Variants in MAGI1 observed in about 807,000 individuals in gnomAD.
MAGI1 encodes the protein membrane associated guanylate kinase, WW and PDZ domain containing 1, also known as membrane-associated guanylate kinase, WW and PDZ domain-containing protein 1.
A neutral mutation model predicts 139.9 loss-of-function variants in MAGI1; 58 were observed. That is an observed-to-expected ratio of 0.41 (90% CI 0.34 to 0.52). MAGI1 has a LOEUF of 0.52. Ranked by LOEUF, MAGI1 falls within the 20% of genes least tolerant of loss-of-function variation. MAGI1 has a pLI of 0.12. For synonymous variants in MAGI1, 812 were observed against 737.9 expected (o/e 1.10, Z -1.63); for missense variants, 1,874 against 1,901.6 (o/e 0.99, Z 0.27).
intron 1 of MAGI1, among the ~76,000 whole-genome samples, chr3:65,710,388 C>A (rs1381864681): frequency 7.1e-6 from 1 of 141,832 alleles, no homozygotes. Context: ...TCAAGCAATT[C>A]TCCTGCCTCA....
chr3:65,587,235 T>C (rs2081727319), intron 2 of MAGI1, among the ~76,000 whole-genome samples: 1 of 152,196 alleles, frequency 6.6e-6, no homozygotes, highest in South Asian at 2.1e-4. Flanking sequence ...ACACCTAACC[T>C]ACTGAACATC....
intron 5 of MAGI1, among the ~76,000 whole-genome samples, chr3:65,463,591 TGTGTGTGTG>T: frequency 6.6e-6 from 1 of 151,420 alleles, no homozygotes; most frequent in Non-Finnish European, 1.5e-5. Flanking sequence ...TGTGTGTGTG[TGTGTGTGTG>T]TGTCTGCCAG....
At chr3:65,577,210 G>A (rs1431249773) in intron 2 of MAGI1, among the ~76,000 whole-genome samples, 2 of 151,930 alleles carry the variant, frequency 1.3e-5, no homozygotes, top group Non-Finnish European at 2.9e-5. Flanking sequence ...TGAAACAAAT[G>A]AATCATAATC....
intron 3 of MAGI1, among the ~76,000 whole-genome samples, chr3:65,486,011 T>G (rs1266260210): frequency 6.6e-6 from 1 of 152,088 alleles, no homozygotes; most frequent in Non-Finnish European, 1.5e-5. Context: ...TACGACAGAG[T>G]TTGCCAACAG....
At chr3:65,950,093 A>AAAAAAAAAAAC (rs2063751644) in intron 1 of MAGI1, among the ~76,000 whole-genome samples, 1 of 14,992 alleles carries the variant, frequency 6.7e-5, no homozygotes, top group Non-Finnish European at 1.5e-4. Context: ...AAAAAAACAA[A>AAAAAAAAAAAC]CAAAAAAAAA....
At chr3:65,809,985 CT>C (rs2041119061) in intron 1 of MAGI1, among the ~76,000 whole-genome samples, 1 of 151,994 alleles carries the variant, frequency 6.6e-6, no homozygotes, top group African/African-American at 2.4e-5. Flanking sequence ...CTCTCTCTCT[CT>C]CTCTCCCTCT....
intron 12 of MAGI1, among the ~76,000 whole-genome samples, chr3:65,419,231 C>CACACACACACACACACACACACACAT (rs145284205): frequency 8.0e-5 from 12 of 150,778 alleles, no homozygotes; most frequent in East Asian, 5.9e-4. Flanking sequence ...TACACACACA[C>CACACACACACACACACACACACACAT]ACACACACAC....
At chr3:65,797,618 A>G (rs2040232402) in intron 1 of MAGI1, among the ~76,000 whole-genome samples, 1 of 152,072 alleles carries the variant, frequency 6.6e-6, no homozygotes, top group Non-Finnish European at 1.5e-5. Flanking sequence ...TGGGAGACTG[A>G]GGTCAGGTGA....
chr3:65,787,823 G>C (rs1435308048), intron 1 of MAGI1, among the ~76,000 whole-genome samples: 1 of 152,108 alleles, frequency 6.6e-6, no homozygotes, highest in East Asian at 1.9e-4. Flanking sequence ...ATATTTCTCA[G>C]AAAATAATAG....
At chr3:65,430,562 G>C in intron 11 of MAGI1, 137 bp downstream of exon 11, 3 of 832,564 alleles carry the variant, frequency 3.6e-6, no homozygotes, top group Non-Finnish European at 5.5e-6. Flanking sequence ...TCATTCTCAA[G>C]GTGTTTAAAG....
At chr3:65,556,001 C>T (rs140981375) in intron 2 of MAGI1, among the ~76,000 whole-genome samples, 73 of 152,218 alleles carry the variant, frequency 4.8e-4, no homozygotes, top group Admixed American at 1.0e-3. Context: ...TTTTATGACA[C>T]GTTATGCTTG....
intron 1 of MAGI1, among the ~76,000 whole-genome samples, chr3:66,015,652 G>A (rs931531124): frequency 6.6e-6 from 1 of 152,132 alleles, no homozygotes; most frequent in South Asian, 2.1e-4. Flanking sequence ...ATAACAATTA[G>A]ATGATATTTT....
chr3:65,732,929 G>C (rs2034330679), intron 1 of MAGI1, among the ~76,000 whole-genome samples: 1 of 152,170 alleles, frequency 6.6e-6, no homozygotes, highest in South Asian at 2.1e-4. Context: ...GGAATGATGA[G>C]GACTGTGGCA....
rs558342167 is a variant in MAGI1, at chr3:65,486,907, T to C, written c.550+6605A>G. Among the ~76,000 whole-genome samples the C allele has an allele frequency of 7.9e-5, 12 of 152,318 alleles. No individual in the cohort carries two copies. In the East Asian group the frequency reaches 1.2e-3, roughly 15 times the overall value. ...AATGGTACCACTATCTATCCAGTAA[T>C]AGAAGACAGAAACTAGGAGTTATCT... is the stretch of plus-strand genomic sequence containing the variant. On this transcript the variant is annotated intron_variant, in intron 3 of 22. Coordinates refer to ENST00000402939, the MANE Select transcript of MAGI1 (RefSeq NM_001033057.2).
chr3:65,411,721 C>T (rs73127530), intron 12 of MAGI1, among the ~76,000 whole-genome samples: 1 of 152,028 alleles, frequency 6.6e-6, no homozygotes, highest in African/African-American at 2.4e-5. Context: ...TGTTTCTTAT[C>T]CCAACTGCTT....
intron 1 of MAGI1, among the ~76,000 whole-genome samples, chr3:65,994,071 C>T (rs1431123573): frequency 6.6e-6 from 1 of 151,942 alleles, no homozygotes; most frequent in African/African-American, 2.4e-5. Context: ...GTCTGGAGTT[C>T]GAGACCAGCC....
chr3:65,581,159 T>TAC, intron 2 of MAGI1, among the ~76,000 whole-genome samples: 1 of 152,110 alleles, frequency 6.6e-6, no homozygotes, highest in East Asian at 1.9e-4. Flanking sequence ...TTTGACTCCC[T>TAC]ACAGTCTGAG....
intron 1 of MAGI1, among the ~76,000 whole-genome samples, chr3:65,879,702 C>T (rs745592969): frequency 1.3e-5 from 2 of 152,144 alleles, no homozygotes; most frequent in African/African-American, 4.8e-5. Flanking sequence ...AGGTACAATA[C>T]CTGGTACATA....
intron 13 of MAGI1, among the ~76,000 whole-genome samples, chr3:65,399,199 A>C (rs1358861105): frequency 6.6e-6 from 1 of 152,132 alleles, no homozygotes; most frequent in Non-Finnish European, 1.5e-5. Context: ...GCTTTTAATT[A>C]TGCATCCTGC....
Sources: gnomAD v4.1 joint callset for allele counts (sites outside exome capture counted in the v4.1 genomes callset) on GRCh38, gnomAD v4.1.1 for gene constraint, MANE v1.5 for transcripts, NCBI Gene and HGNC (gene_info 2026-07-23, HGNC 2026-07-21) for gene names.